BCAT1: variants seen among roughly 807,000 people sequenced by gnomAD.
BCAT1 encodes branched chain amino acid transaminase 1.
Under a neutral mutation model 52.4 loss-of-function variants are expected in BCAT1, and 48 were observed. The observed-to-expected ratio is 0.92, with a 90% confidence interval of 0.73 to 1.16. The LOEUF (loss-of-function observed/expected upper bound fraction) is 1.16, where lower values mean the gene tolerates loss of function less well. Ranked by LOEUF, BCAT1 falls within the 50% of genes most tolerant of loss-of-function variation. The pLI is 0.00. For missense variants in BCAT1, 451 were observed against 457.1 expected, an observed-to-expected ratio of 0.99 and a Z score of 0.12; for synonymous variants, 167 against 161.3, an observed-to-expected ratio of 1.04 and a Z score of -0.27.
chr12:24,896,051 A>C lies in BCAT1; in HGVS notation c.79-1576T>G, dbSNP rs1437529041. Among the ~76,000 whole-genome samples, 7 of 152,164 alleles carry C rather than the reference A, an allele frequency of 4.6e-5. No individual in the cohort carries two copies. In the South Asian group the frequency reaches 1.0e-3, roughly 23 times the overall value. On this transcript the variant is annotated intron_variant, in intron 2 of 10. Coordinates refer to ENST00000261192, the MANE Select transcript of BCAT1 (RefSeq NM_005504.7). ...GTATTTTTTTTAGAGATAGGGACTCACTATGTTGCCCAGGCTGGTCTCGAA... is the reference window on the plus strand; with the variant it reads ...GTATTTTTTTTAGAGATAGGGACTCCCTATGTTGCCCAGGCTGGTCTCGAA...
intron 1 of BCAT1, chr12:24,902,999 C>T (rs1372775077): frequency 2.7e-6 from 4 of 1,457,212 alleles, no homozygotes; most frequent in Non-Finnish European, 3.6e-6. Context: ...GGGGAGGCTG[C>T]GGGGACGCGG....
chr12:24,881,890 T>TCACAGAAACCAGGCAGCTCAAGA (rs1942511565), intron 3 of BCAT1, among the ~76,000 whole-genome samples: 1 of 152,122 alleles, frequency 6.6e-6, no homozygotes, highest in African/African-American at 2.4e-5. Context: ...AGTCCCTAAA[T>TCACAGAAACCAGGCAGCTCAAGA]CACAGAAACC....
chr12:24,876,164 C>T (rs1942329079), intron 5 of BCAT1, among the ~76,000 whole-genome samples: 1 of 146,188 alleles, frequency 6.8e-6, no homozygotes, highest in East Asian at 2.1e-4. Context: ...ATATTGTTTT[C>T]AAACATCATA....
intron 1 of BCAT1, among the ~76,000 whole-genome samples, chr12:24,906,187 CA>C (rs1160357121): frequency 6.9e-6 from 1 of 145,502 alleles, no homozygotes; most frequent in East Asian, 2.0e-4. Context: ...GACACCATCT[CA>C]AAAAAAAAGA....
intron 1 of BCAT1, chr12:24,903,085 C>A (rs1234375881): frequency 7.2e-7 from 1 of 1,383,676 alleles, no homozygotes; most frequent in East Asian, 3.1e-5. Flanking sequence ...CCCCGGCGCA[C>A]GGCCCATAGG....
Position 24,814,948 on chromosome 12 carries a change from G to A in BCAT1, c.*3060C>T, listed in dbSNP as rs1939825407. On this transcript the variant is annotated 3_prime_UTR_variant, in exon 11 of 11. Transcript: ENST00000261192. ...TCTCTTTCCCTTTCACTTTTCCTTT[G>A]TGCTTTTGAAAACAAAGGCTAAAGC... is the stretch of plus-strand genomic sequence containing the variant. 6.6e-6 allele frequency: 1 copy of A among 151,162 alleles called. No homozygotes were observed. The highest frequency in any genetic ancestry group is 1.5e-5 in the Non-Finnish European group (1 of 67,806). 9.4% of individuals were successfully genotyped at this position (151,162 alleles called of 1,614,324 possible).
At chr12:24,866,087 G>A (rs1941997168) in intron 5 of BCAT1, among the ~76,000 whole-genome samples, 1 of 152,228 alleles carries the variant, frequency 6.6e-6, no homozygotes, top group African/African-American at 2.4e-5. Context: ...GAGAGGCATG[G>A]GCGGGAACCC....
chr12:24,829,841 G>A lies in BCAT1; in HGVS notation c.1101C>T (p.Ser367=). ...GCTTTACCTGGATATCAGTTAATTT[G>A]CTCAAGATGCGGCTTGCCAGCTTAG... is the stretch of plus-strand genomic sequence containing the variant. ...NGPKLASRIL[S]KLTDIQYGRE... Residue 367 remains serine (S), a synonymous_variant, in exon 10 of 11, where the codon AGC becomes AGT. Coordinates refer to ENST00000261192, the MANE Select transcript of BCAT1 (RefSeq NM_005504.7). 1 of 1,610,634 alleles carries A rather than the reference G, an allele frequency of 6.2e-7. No individual in the cohort carries two copies. Among genetic ancestry groups the A allele is most frequent in the Non-Finnish European group, 8.5e-7 (1 of 1,178,068 alleles).
intron 10 of BCAT1, among the ~76,000 whole-genome samples, chr12:24,819,205 G>A (rs944394705): frequency 6.6e-5 from 10 of 151,890 alleles, no homozygotes; most frequent in Non-Finnish European, 1.5e-4. Context: ...TGTGTATTGA[G>A]ACTGACTTGG....
intron 5 of BCAT1, among the ~76,000 whole-genome samples, chr12:24,868,819 A>C (rs909396959): frequency 6.6e-6 from 1 of 152,244 alleles, no homozygotes; most frequent in African/African-American, 2.4e-5. Flanking sequence ...TCATCAAAAG[A>C]TATCAGTAAG....
intron 3 of BCAT1, among the ~76,000 whole-genome samples, chr12:24,888,477 C>A (rs1054110916): frequency 2.0e-5 from 3 of 151,896 alleles, no homozygotes; most frequent in Non-Finnish European, 4.4e-5. Flanking sequence ...CCAGCCTGGG[C>A]GACAGAGCAA....
intron 7 of BCAT1, 128 bp downstream of exon 7, chr12:24,841,954 C>T: frequency 2.8e-6 from 3 of 1,077,280 alleles, no homozygotes; most frequent in South Asian, 1.7e-5. Flanking sequence ...GCAGCAAAAG[C>T]ACAGTAGTCC....
chr12:24,874,832 A>G (rs926964095), intron 5 of BCAT1, among the ~76,000 whole-genome samples: 1 of 152,244 alleles, frequency 6.6e-6, no homozygotes, highest in Non-Finnish European at 1.5e-5. Flanking sequence ...CAGGGAATAG[A>G]GACTGGACAC....
chr12:24,894,759 A>T (rs1392880099), intron 2 of BCAT1, among the ~76,000 whole-genome samples: 2 of 152,246 alleles, frequency 1.3e-5, no homozygotes, highest in Non-Finnish European at 2.9e-5. Flanking sequence ...ATGCAAAAAA[A>T]GAATACAACC....
intron 4 of BCAT1, among the ~76,000 whole-genome samples, chr12:24,879,209 A>C (rs1942428834): frequency 6.6e-6 from 1 of 152,252 alleles, no homozygotes; most frequent in Admixed American, 6.5e-5. Context: ...TGAAACTTAA[A>C]GACTTCCGTT....
intron 10 of BCAT1, among the ~76,000 whole-genome samples, chr12:24,823,179 G>A (rs554825741): frequency 6.6e-6 from 1 of 151,784 alleles, no homozygotes; most frequent in African/African-American, 2.4e-5. Flanking sequence ...ACCTCAACCT[G>A]TAGCTGGGAC....
At chr12:24,878,427 C>T (rs1591832024) in intron 5 of BCAT1, 103 bp downstream of exon 5, 1 of 1,060,362 alleles carries the variant, frequency 9.4e-7, no homozygotes, top group Non-Finnish European at 1.3e-6. Flanking sequence ...ATTAATGATG[C>T]TACTGGGGGG....
chr12:24,927,454 C>A (rs1453098895), intron 1 of BCAT1, among the ~76,000 whole-genome samples: 1 of 152,182 alleles, frequency 6.6e-6, no homozygotes, highest in Non-Finnish European at 1.5e-5. Flanking sequence ...CCAGTGACTC[C>A]AATTAAACAT....
intron 5 of BCAT1, among the ~76,000 whole-genome samples, chr12:24,856,208 C>T (rs1941676038): frequency 1.3e-5 from 2 of 152,124 alleles, no homozygotes; most frequent in African/African-American, 4.8e-5. Flanking sequence ...CTGTAAAACC[C>T]CGGTGTGGAT....
Sources: gnomAD v4.1 joint callset for allele counts (sites outside exome capture counted in the v4.1 genomes callset) on GRCh38, gnomAD v4.1.1 for gene constraint, MANE v1.5 for transcripts, NCBI Gene and HGNC (gene_info 2026-07-23, HGNC 2026-07-21) for gene names.